The following LRP1B variants were observed in gnomAD, a reference collection of about 807,000 sequenced individuals.
LRP1B encodes LDL receptor related protein 1B.
A neutral mutation model predicts 556.6 loss-of-function variants in LRP1B; 217 were observed. That is an observed-to-expected ratio of 0.39 (90% CI 0.35 to 0.44). The LOEUF is 0.44. Among genes scored for constraint, LRP1B ranks in the 20% least tolerant of loss-of-function variants. LRP1B has a pLI of 1.00. For synonymous variants in LRP1B, 2,047 were observed against 1,865.8 expected (o/e 1.10, Z -2.50); for missense variants, 5,053 against 5,620.8 (o/e 0.90, Z 3.23).
intron 33 of LRP1B, among the ~76,000 whole-genome samples, chr2:140,774,287 G>A (rs945012794): frequency 6.6e-6 from 1 of 152,000 alleles, no homozygotes; most frequent in Admixed American, 6.6e-5. Context: ...AAGTGCTAGA[G>A]GTCCTTGTTC....
chr2:141,548,468 C>T (rs577643879), intron 2 of LRP1B, among the ~76,000 whole-genome samples: 24 of 152,310 alleles, frequency 1.6e-4, no homozygotes, highest in Admixed American at 1.2e-3. Flanking sequence ...TATCTGGCTT[C>T]GGAAATGCTT....
At position 140,337,445 on chromosome 2, in the gene LRP1B, CA is replaced by C. The variant is rs773496174; in HGVS notation, c.11893-1608del. On this transcript the variant is annotated intron_variant, in intron 77 of 90. Transcript: ENST00000389484. ...ATATAAATATTTGTCCTAGCCAAAC[CA>C]AAAAATCATTTTCAAATGCTCCAGT... Among the ~76,000 whole-genome samples, 9 of 151,808 alleles carry C rather than the reference CA, an allele frequency of 5.9e-5. No individual in the cohort carries two copies. In the South Asian group the frequency reaches 1.5e-3, roughly 25 times the overall value.
rs971526641 is a variant in LRP1B at position 140,301,723 on chromosome 2, A to C, written c.12806-3754T>G. ...TATTTGGTGGTAAGAAAGGTTTAAG[A>C]ATAATGTGTAGTGTTGCTTATATAT... On this transcript the variant is annotated intron_variant, in intron 83 of 90. Transcript: ENST00000389484. Among the ~76,000 whole-genome samples the C allele has an allele frequency of 3.2e-4, 49 of 151,938 alleles. 1 individual carries two copies. The highest frequency in any genetic ancestry group is 1.2e-3 in the African/African-American group (48 of 41,394).
In LRP1B at chr2:140,506,877, T is replaced by C. The variant is rs779566548; in HGVS notation, c.8440A>G (p.Asn2814Asp). Residue 2814 changes from asparagine to aspartate, a missense_variant, in exon 53 of 91, where the codon AAT becomes GAT. By Grantham distance (23) the Asn-to-Asp change is conservative. Around this residue, in one of 5 missense-constraint regions of LRP1B, gnomAD observed 3,619 missense variants for 3,931.9 expected, o/e 0.92. Transcript: ENST00000389484. The stretch of plus-strand genomic sequence containing the variant: ...AATTGCTTGGGAATGCATACTTTAT[T>C]ATGGCACATGAAAGCATTTTCATCA... ...TCDENAFMCH[N>D]KVCIPKQFVC... 2.6e-5 allele frequency: 42 copies of C among 1,614,002 alleles called. No individual in the cohort carries two copies. The highest frequency in any genetic ancestry group is 3.3e-4 in the Middle Eastern group (2 of 6,060).
chr2:140,841,550 A>G (rs909739941), intron 29 of LRP1B, among the ~76,000 whole-genome samples: 1 of 152,200 alleles, frequency 6.6e-6, no homozygotes, highest in African/African-American at 2.4e-5. Context: ...CAACTTTCCT[A>G]AAAGAATCAC....
intron 35 of LRP1B, among the ~76,000 whole-genome samples, chr2:140,722,590 T>G (rs1292534006): frequency 6.6e-6 from 1 of 152,198 alleles, no homozygotes; most frequent in African/African-American, 2.4e-5. Flanking sequence ...TCAACATGCT[T>G]ATCTACCTTG....
At chr2:140,722,329 A>C (rs1238730342) in intron 35 of LRP1B, among the ~76,000 whole-genome samples, 28 of 152,192 alleles carry the variant, frequency 1.8e-4, no homozygotes, top group Admixed American at 1.8e-3. Context: ...ATACACTATC[A>C]TTTCTACTGG....
At chr2:141,276,321 G>C (rs1449395287) in intron 3 of LRP1B, among the ~76,000 whole-genome samples, 6 of 151,720 alleles carry the variant, frequency 4.0e-5, no homozygotes, top group Admixed American at 3.9e-4. Flanking sequence ...TAGTTTTAGG[G>C]GTACATGTGC....
At chr2:141,554,346 T>C (rs1685883531) in intron 2 of LRP1B, among the ~76,000 whole-genome samples, 1 of 148,590 alleles carries the variant, frequency 6.7e-6, no homozygotes, top group Non-Finnish European at 1.5e-5. Context: ...TATGTATCTA[T>C]AGGAATAGAC....
intron 43 of LRP1B, among the ~76,000 whole-genome samples, chr2:140,575,867 A>G (rs1681502269): frequency 6.6e-6 from 1 of 152,068 alleles, no homozygotes; most frequent in South Asian, 2.1e-4. Flanking sequence ...GGTTGCAATG[A>G]GCCGAGATCA....
chr2:142,055,008 T>A (rs558622280), intron 1 of LRP1B, among the ~76,000 whole-genome samples: 3 of 152,284 alleles, frequency 2.0e-5, no homozygotes, highest in South Asian at 4.1e-4. Context: ...GCTCACTGTG[T>A]GAGAGAAAAC....
chr2:140,884,869 C>A (rs1433397789), intron 24 of LRP1B, among the ~76,000 whole-genome samples: 1 of 152,208 alleles, frequency 6.6e-6, no homozygotes, highest in Admixed American at 6.5e-5. Flanking sequence ...CACACAACCA[C>A]ACCCAGCTAA....
intron 3 of LRP1B, among the ~76,000 whole-genome samples, chr2:141,364,926 A>G (rs1688962306): frequency 1.3e-5 from 2 of 152,224 alleles, no homozygotes; most frequent in African/African-American, 4.8e-5. Flanking sequence ...AGTTACTTGG[A>G]CTAATAGGGC....
intron 35 of LRP1B, among the ~76,000 whole-genome samples, chr2:140,734,411 T>G (rs1028590108): frequency 3.9e-5 from 6 of 152,140 alleles, no homozygotes; most frequent in African/African-American, 1.4e-4. Context: ...GAGTCAGAAA[T>G]GAGGTTGGAG....
At chr2:140,429,172 C>T (rs922212150) in intron 66 of LRP1B, among the ~76,000 whole-genome samples, 40 of 152,292 alleles carry the variant, frequency 2.6e-4, no homozygotes, top group African/African-American at 7.0e-4. Flanking sequence ...CCTGTTATCA[C>T]TCGCCTGCTA....
chr2:141,080,220 C>T (rs1699890319), intron 7 of LRP1B, among the ~76,000 whole-genome samples: 1 of 152,166 alleles, frequency 6.6e-6, no homozygotes, highest in South Asian at 2.1e-4. Flanking sequence ...AGGTTTATCC[C>T]TCTCTGGCAG....
At chr2:142,013,115 T>C (rs147978383) in intron 1 of LRP1B, among the ~76,000 whole-genome samples, 5 of 152,326 alleles carry the variant, frequency 3.3e-5, no homozygotes, top group East Asian at 1.9e-4. Flanking sequence ...GTAAGAATAC[T>C]GAGGCTTTGA....
chr2:141,958,607 G>A (rs1456146016), intron 1 of LRP1B, among the ~76,000 whole-genome samples: 1 of 151,990 alleles, frequency 6.6e-6, no homozygotes, highest in African/African-American at 2.4e-5. Flanking sequence ...ATTGTTCTGT[G>A]ATTTTTTAAT....
intron 1 of LRP1B, among the ~76,000 whole-genome samples, chr2:142,018,514 C>T (rs192806898): frequency 9.2e-4 from 140 of 151,996 alleles, no homozygotes; most frequent in Non-Finnish European, 1.7e-3. Flanking sequence ...ATAAAATTTA[C>T]TTTGCTTTTA....
Sources: gnomAD v4.1 joint callset for allele counts (sites outside exome capture counted in the v4.1 genomes callset) on GRCh38, gnomAD v4.1.1 for gene constraint, gnomAD v4.1.1 regional missense constraint, MANE v1.5 for transcripts, NCBI Gene and HGNC (gene_info 2026-07-23, HGNC 2026-07-21) for gene names.